Variants in RNF115 observed in about 807,000 individuals in gnomAD.
The protein encoded by RNF115 is ring finger protein 115, also known as E3 ubiquitin-protein ligase RNF115.
A neutral mutation model predicts 39.2 loss-of-function variants in RNF115; 31 were observed. The ratio of observed to expected loss-of-function variants is 0.79; its 90% confidence interval spans 0.59 to 1.07. The LOEUF (loss-of-function observed/expected upper bound fraction) is 1.07, where lower values mean the gene tolerates loss of function less well. Among genes scored for constraint, RNF115 ranks in the 50% least tolerant of loss-of-function variants. The pLI, the probability that RNF115 is intolerant of heterozygous loss-of-function variation, is 0.00. For missense variants in RNF115, 384 were observed against 381.7 expected, an observed-to-expected ratio of 1.01 and a Z score of -0.05; for synonymous variants, 124 against 131.0, an observed-to-expected ratio of 0.95 and a Z score of 0.37.
At chr1:145,767,944 G>A (rs1647441391) in intron 4 of RNF115, among the ~76,000 whole-genome samples, 1 of 41,556 alleles carries the variant, frequency 2.4e-5, no homozygotes. Flanking sequence ...CTTCGGCTCG[G>A]CATCAGAGAC....
rs782444337 is a variant in RNF115, at chr1:145,745,099, C to T, written c.*1767G>A. Reference sequence around the variant, plus strand: ...TAACTCCTGAAGACCAATGAATTACCAAAAACAGTGAACTGGCTGCAGACA... The same window carrying T: ...TAACTCCTGAAGACCAATGAATTACTAAAAACAGTGAACTGGCTGCAGACA... On this transcript the variant is annotated 3_prime_UTR_variant, in exon 9 of 9. Coordinates refer to ENST00000582693, the MANE Select transcript of RNF115 (RefSeq NM_014455.4). The T allele has an allele frequency of 6.6e-6, 1 of 152,112 alleles. No homozygotes were observed. Among genetic ancestry groups the T allele is most frequent in the African/African-American group, 2.4e-5 (1 of 41,420 alleles). The allele number at this position is 152,112 out of a possible 1,614,324, so 9.4% of individuals were successfully genotyped here.
intron 1 of RNF115, among the ~76,000 whole-genome samples, chr1:145,808,315 A>C (rs1433034934): frequency 1.4e-4 from 22 of 152,284 alleles, no homozygotes; most frequent in African/African-American, 5.3e-4. Context: ...AACAGTGTTT[A>C]AGAGTTCCCT....
At chr1:145,814,448 T>C (rs1649888725) in intron 1 of RNF115, among the ~76,000 whole-genome samples, 1 of 151,844 alleles carries the variant, frequency 6.6e-6, no homozygotes, top group Non-Finnish European at 1.5e-5. Flanking sequence ...CCAGGCGTGG[T>C]GGCAGGCACC....
intron 6 of RNF115, 135 bp from the exon 7 acceptor site, chr1:145,750,635 G>C: frequency 1.5e-6 from 1 of 647,810 alleles, no homozygotes; most frequent in Non-Finnish European, 2.6e-6. Flanking sequence ...GGCTCTGAGA[G>C]GCTTGGGTTT....
intron 2 of RNF115, chr1:145,788,690 TATG>T (rs1648500561): frequency 2.0e-5 from 13 of 664,034 alleles, no homozygotes; most frequent in Non-Finnish European, 3.6e-5. Context: ...CCACATCTGC[TATG>T]ATATCACTTT....
At chr1:145,762,675 T>C (rs947516743) in intron 4 of RNF115, among the ~76,000 whole-genome samples, 1 of 151,572 alleles carries the variant, frequency 6.6e-6, no homozygotes, top group Non-Finnish European at 1.5e-5. Context: ...AAATTTTTTT[T>C]AATAAGAAAA....
intron 4 of RNF115, among the ~76,000 whole-genome samples, chr1:145,764,199 GTC>G: frequency 2.0e-5 from 3 of 152,210 alleles, no homozygotes; most frequent in Admixed American, 6.5e-5. Context: ...TGCAGACGGA[GTC>G]TTGTTCACTC....
chr1:145,748,185 CA>C, intron 7 of RNF115, 75 bp from the exon 8 acceptor site: 1 of 975,254 alleles, frequency 1.0e-6, no homozygotes, highest in Non-Finnish European at 1.6e-6. Flanking sequence ...ATGTCTCTAC[CA>C]ACCCTACGAA....
chr1:145,753,470 A>G (rs587630477), intron 4 of RNF115, among the ~76,000 whole-genome samples: 1 of 152,124 alleles, frequency 6.6e-6, no homozygotes, highest in South Asian at 2.1e-4. Context: ...TATCATTTAA[A>G]GAGTCCTTTA....
At chr1:145,766,129 G>A (rs970527762) in intron 4 of RNF115, among the ~76,000 whole-genome samples, 1 of 152,164 alleles carries the variant, frequency 6.6e-6, no homozygotes, top group Non-Finnish European at 1.5e-5. Flanking sequence ...TTCCTAGGCA[G>A]AGGACCCTGC....
At position 145,767,193 on chromosome 1, in the gene RNF115, G is replaced by A. The variant is rs193155751; in HGVS notation, c.428+4518C>T. ...CTCCCGGACGGGGTGGCTGCCGGGC[G>A]GAGACGCTCCTCACTTCCCAGACGG... On this transcript the variant is annotated intron_variant, in intron 4 of 8. Transcript: ENST00000582693. Among the ~76,000 whole-genome samples the A allele has an allele frequency of 5.5e-3, 812 of 148,888 alleles. 5 individuals are homozygous for A. The highest frequency in any genetic ancestry group is 0.021 in the Middle Eastern group (6 of 284).
At position 145,751,517 on chromosome 1, in the gene RNF115, G is replaced by C. The variant is rs370045638; in HGVS notation, c.501-7C>G. 2 of 1,589,168 alleles carry C rather than the reference G, an allele frequency of 1.3e-6. No homozygotes were observed. Among genetic ancestry groups the C allele is most frequent in the Non-Finnish European group, 1.7e-6 (2 of 1,165,166 alleles). On this transcript the variant is annotated splice_region_variant and splice_polypyrimidine_tract_variant and intron_variant, in intron 5 of 8. Coordinates refer to ENST00000582693, the MANE Select transcript of RNF115 (RefSeq NM_014455.4). ...GGAGTGCAGCATCCCGCTCCTATAC[G>C]TGAGATGAGATAGACAGCATTAGAT...
chr1:145,808,133 A>G (rs1406076194), intron 1 of RNF115, among the ~76,000 whole-genome samples: 3 of 152,168 alleles, frequency 2.0e-5, no homozygotes, highest in Admixed American at 1.3e-4. Flanking sequence ...TGCTGCTGTG[A>G]ATAGTACTAC....
intron 4 of RNF115, among the ~76,000 whole-genome samples, chr1:145,757,326 A>C (rs587675005): frequency 3.9e-5 from 6 of 152,296 alleles, no homozygotes; most frequent in African/African-American, 1.4e-4. Flanking sequence ...TACAAGTGGT[A>C]TCTCTCAGCA....
At chr1:145,764,994 G>A (rs115256051) in intron 4 of RNF115, among the ~76,000 whole-genome samples, 92 of 152,354 alleles carry the variant, frequency 6.0e-4, no homozygotes, top group Non-Finnish European at 1.2e-3. Flanking sequence ...GGAAAGGTGG[G>A]GAAGGGATAG....
In RNF115 at chr1:145,823,826, G is replaced by T; in HGVS notation, c.48C>A (p.Ala16=). The T allele has an allele frequency of 6.3e-7, 1 of 1,582,592 alleles. No homozygotes were observed. The highest frequency in any genetic ancestry group is 8.6e-7 in the Non-Finnish European group (1 of 1,168,128). Residue 16 remains alanine (A), a synonymous_variant, in exon 1 of 9, where the codon GCC becomes GCA. Coordinates refer to ENST00000582693, the MANE Select transcript of RNF115 (RefSeq NM_014455.4). ...AAGADSGAAV[A]AHRFFCHFCK... ...AAAAGTGGCAGAAAAACCGGTGGGC[G>T]GCTACAGCGGCGCCCGAGTCCGCCC...
At chr1:145,811,883 C>CAAAAAAA (rs67086842) in intron 1 of RNF115, among the ~76,000 whole-genome samples, 11 of 35,850 alleles carry the variant, frequency 3.1e-4, no homozygotes, top group Admixed American at 4.8e-4. Context: ...TTCTGTCTCA[C>CAAAAAAA]AAAAAAAAAA....
At chr1:145,751,711 T>C (rs1283135414) in intron 5 of RNF115, among the ~76,000 whole-genome samples, 1 of 152,192 alleles carries the variant, frequency 6.6e-6, no homozygotes, top group African/African-American at 2.4e-5. Flanking sequence ...TCTAAGAATT[T>C]TACTTAACTA....
Position 145,750,430 on chromosome 1 carries a change from A to G in RNF115, c.644T>C (p.Val215Ala), listed in dbSNP as rs1553712312. Residue 215 changes from valine to alanine, a missense_variant, in exon 7 of 9, where the codon GTG becomes GCG. By Grantham distance (64) the Val-to-Ala change is moderately conservative. Transcript: ENST00000582693. ...ACCAACTTGTTCCTGAGTTACTGTC[A>G]CTGTTGGAAGAGATGTGATCTTTTC... is the stretch of plus-strand genomic sequence containing the variant. The part of the protein sequence containing the change: ...DKEKITSLPT[V>A]TVTQEQVDMG... The G allele has an allele frequency of 1.2e-6, 2 of 1,613,656 alleles. No individual in the cohort carries two copies. Among genetic ancestry groups the G allele is most frequent in the Non-Finnish European group, 1.7e-6 (2 of 1,179,624 alleles).
Sources: gnomAD v4.1 joint callset for allele counts (sites outside exome capture counted in the v4.1 genomes callset) on GRCh38, gnomAD v4.1.1 for gene constraint, MANE v1.5 for transcripts, NCBI Gene and HGNC (gene_info 2026-07-23, HGNC 2026-07-21) for gene names.